FNIP1: variants seen among roughly 807,000 people sequenced by gnomAD.
FNIP1 encodes the protein folliculin-interacting protein 1.
FNIP1 carries 40 observed loss-of-function variants against 124.5 expected under a neutral mutation model. The observed-to-expected ratio is 0.32, with a 90% CI of 0.25 to 0.42. FNIP1 has a LOEUF of 0.42. Among genes scored for constraint, FNIP1 ranks in the 10% least tolerant of loss-of-function variants. The pLI is 1.00. For missense variants in FNIP1, 1,176 were observed against 1,403.7 expected, an observed-to-expected ratio of 0.84 and a Z score of 2.59; for synonymous variants, 472 against 470.6, an observed-to-expected ratio of 1.00 and a Z score of -0.04.
At chr5:131,704,010 A>T in intron 10 of FNIP1, 55 bp downstream of exon 10, 1 of 1,382,670 alleles carries the variant, frequency 7.2e-7, no homozygotes, top group Non-Finnish European at 9.9e-7. Context: ...TATAATGCTT[A>T]ATTGGGAGAA....
intron 15 of FNIP1, among the ~76,000 whole-genome samples, chr5:131,668,921 A>G (rs1425227820): frequency 1.3e-5 from 2 of 152,220 alleles, no homozygotes; most frequent in Non-Finnish European, 2.9e-5. Flanking sequence ...AATATATACA[A>G]TTTAAGTGAA....
At chr5:131,652,439 C>A (rs1356941964) in intron 15 of FNIP1, among the ~76,000 whole-genome samples, 4 of 152,178 alleles carry the variant, frequency 2.6e-5, no homozygotes, top group African/African-American at 9.7e-5. Context: ...ACTGCAACCT[C>A]CGCCTCCCAG....
chr5:131,781,153 C>T (rs1414806171), intron 1 of FNIP1, among the ~76,000 whole-genome samples: 1 of 152,150 alleles, frequency 6.6e-6, no homozygotes, highest in Non-Finnish European at 1.5e-5. Flanking sequence ...AGGGCAAGGC[C>T]CTAACTCTCT....
chr5:131,674,859 T>C (rs913827888), intron 13 of FNIP1, among the ~76,000 whole-genome samples: 4 of 152,180 alleles, frequency 2.6e-5, no homozygotes, highest in African/African-American at 9.6e-5. Context: ...CAAATATAAA[T>C]AGGTCTCAAA....
At chr5:131,737,849 A>G (rs969183161) in intron 2 of FNIP1, among the ~76,000 whole-genome samples, 1 of 152,174 alleles carries the variant, frequency 6.6e-6, no homozygotes, top group African/African-American at 2.4e-5. Flanking sequence ...GAAAAGGACT[A>G]TGTCTTCTTT....
At chr5:131,703,301 T>C (rs777824833) in intron 10 of FNIP1, among the ~76,000 whole-genome samples, 3 of 152,230 alleles carry the variant, frequency 2.0e-5, no homozygotes, top group Admixed American at 2.0e-4. Context: ...AGTATGCTAA[T>C]TGGTCTCACA....
chr5:131,653,083 G>C (rs1215507305), intron 15 of FNIP1, among the ~76,000 whole-genome samples: 3 of 152,224 alleles, frequency 2.0e-5, no homozygotes, highest in Non-Finnish European at 2.9e-5. Flanking sequence ...CTCAGCACCA[G>C]AGAAGGTATT....
intron 15 of FNIP1, among the ~76,000 whole-genome samples, chr5:131,670,160 A>G (rs1411638776): frequency 2.0e-5 from 3 of 152,210 alleles, no homozygotes; most frequent in Non-Finnish European, 4.4e-5. Flanking sequence ...AAATTAAGAA[A>G]ATAATTCCAT....
intron 11 of FNIP1, among the ~76,000 whole-genome samples, chr5:131,689,217 C>T (rs1334739506): frequency 6.6e-6 from 1 of 150,434 alleles, no homozygotes; most frequent in Non-Finnish European, 1.5e-5. Context: ...ACCTAGAATT[C>T]TGTATCCAGC....
At position 131,774,088 on chromosome 5, in the gene FNIP1, G is replaced by A. The variant is rs541001430; in HGVS notation, c.92+22742C>T. On this transcript the variant is annotated intron_variant, in intron 1 of 17. Transcript: ENST00000510461. ...TGTTAACAAGCTGGAGTGCAGTGAC[G>A]TGATCATAGCTCACAGCAACTTTGA... Among the ~76,000 whole-genome samples, 34 of 152,312 alleles carry A rather than the reference G, an allele frequency of 2.2e-4. 3 individuals carry two copies. In the South Asian group the frequency reaches 4.8e-3, roughly 21 times the overall value.
chr5:131,761,486 GA>G (rs993443313), intron 1 of FNIP1, among the ~76,000 whole-genome samples: 3 of 151,896 alleles, frequency 2.0e-5, no homozygotes, highest in African/African-American at 7.3e-5. Context: ...TGACCAATCT[GA>G]AAAAAGGTTT....
At chr5:131,766,427 C>CTA (rs1252144538) in intron 1 of FNIP1, among the ~76,000 whole-genome samples, 3 of 152,192 alleles carry the variant, frequency 2.0e-5, no homozygotes, top group African/African-American at 7.2e-5. Context: ...CGGTCCCAAT[C>CTA]TACAATTCAG....
chr5:131,713,080 G>A (rs376667189), intron 6 of FNIP1, among the ~76,000 whole-genome samples: 10 of 150,992 alleles, frequency 6.6e-5, no homozygotes, highest in South Asian at 2.1e-4. Context: ...TTTTTGAGAC[G>A]GAGTCTCGCT....
intron 1 of FNIP1, among the ~76,000 whole-genome samples, chr5:131,753,485 G>A (rs942340454): frequency 6.6e-6 from 1 of 152,142 alleles, no homozygotes; most frequent in Non-Finnish European, 1.5e-5. Flanking sequence ...TTGCATGAAA[G>A]AATCCAGACA....
chr5:131,764,046 T>C (rs994109555), intron 1 of FNIP1, among the ~76,000 whole-genome samples: 3 of 152,062 alleles, frequency 2.0e-5, no homozygotes, highest in Admixed American at 6.6e-5. Flanking sequence ...GAGAGCTCTC[T>C]TGAGATCTGG....
At chr5:131,764,441 A>G (rs1771351939) in intron 1 of FNIP1, among the ~76,000 whole-genome samples, 1 of 151,044 alleles carries the variant, frequency 6.6e-6, no homozygotes, top group African/African-American at 2.4e-5. Flanking sequence ...AGTAGATGGG[A>G]CCACAGGTGT....
At chr5:131,743,463 G>A (rs1770575628) in intron 2 of FNIP1, among the ~76,000 whole-genome samples, 1 of 151,602 alleles carries the variant, frequency 6.6e-6, no homozygotes, top group South Asian at 2.1e-4. Context: ...CTGAGTGATA[G>A]AGAGACAAAG....
chr5:131,656,402 C>A (rs920762182), intron 15 of FNIP1, among the ~76,000 whole-genome samples: 7 of 152,174 alleles, frequency 4.6e-5, no homozygotes, highest in Admixed American at 2.0e-4. Context: ...GGTGTGAAAA[C>A]CAGGTACTTT....
intron 1 of FNIP1, among the ~76,000 whole-genome samples, chr5:131,748,709 G>GA (rs1189333248): frequency 2.9e-3 from 280 of 97,754 alleles, no homozygotes; most frequent in South Asian, 6.4e-3. Context: ...AAAAAAAAAA[G>GA]AAAAAAAAAA....
Sources: gnomAD v4.1 joint callset for allele counts (sites outside exome capture counted in the v4.1 genomes callset) on GRCh38, gnomAD v4.1.1 for gene constraint, MANE v1.5 for transcripts, NCBI Gene and HGNC (gene_info 2026-07-23, HGNC 2026-07-21) for gene names.